Variants in DSCAML1 observed in about 807,000 individuals in gnomAD.
The protein encoded by DSCAML1 is DS cell adhesion molecule like 1.
In DSCAML1, 38 loss-of-function variants were observed where a neutral mutation model predicts 200.5. The observed-to-expected ratio is 0.19, with a 90% CI of 0.15 to 0.25. The LOEUF is 0.25. Ranked by LOEUF, DSCAML1 falls within the 10% of genes least tolerant of loss-of-function variation. The pLI is 1.00. For missense variants in DSCAML1, 2,223 were observed against 2,858.8 expected (o/e 0.78, Z 5.07); for synonymous variants, 1,215 against 1,165.0 (o/e 1.04, Z -0.87).
At chr11:117,537,407 T>A (rs906857683) in intron 3 of DSCAML1, among the ~76,000 whole-genome samples, 2 of 152,096 alleles carry the variant, frequency 1.3e-5, no homozygotes, top group African/African-American at 4.8e-5. Context: ...TGGAAGGTCT[T>A]GTGGAAGCTA....
intron 8 of DSCAML1, among the ~76,000 whole-genome samples, chr11:117,512,514 C>T (rs538441430): frequency 6.6e-6 from 1 of 152,250 alleles, no homozygotes; most frequent in African/African-American, 2.4e-5. Flanking sequence ...GTCCCAGAGC[C>T]CCTCACACCC....
intron 3 of DSCAML1, among the ~76,000 whole-genome samples, chr11:117,743,606 G>A (rs1482662310): frequency 6.6e-6 from 1 of 152,166 alleles, no homozygotes; most frequent in African/African-American, 2.4e-5. Flanking sequence ...TCCAGGCCCA[G>A]TTCCCCAGGG....
At chr11:117,649,108 C>T (rs994955544) in intron 3 of DSCAML1, among the ~76,000 whole-genome samples, 2 of 150,214 alleles carry the variant, frequency 1.3e-5, no homozygotes, top group Non-Finnish European at 3.0e-5. Context: ...CAGAATTTCG[C>T]TCTTGTCACC....
Position 117,634,370 on chromosome 11 carries a change from T to G in DSCAML1, c.512-101848A>C, listed in dbSNP as rs2052234737. 2.0e-5 allele frequency among the ~76,000 whole-genome samples: 3 copies of G among 152,206 alleles called. No homozygotes were observed. The South Asian group carries it at 6.2e-4, about 32-fold the overall frequency. ...TGTGTGACCTCTAGTCACAATGATA[T>G]ACCCTTTCCAGCCTCCGCTTCATAT... On this transcript the variant is annotated intron_variant, in intron 3 of 32. Transcript: ENST00000651296.
intron 3 of DSCAML1, among the ~76,000 whole-genome samples, chr11:117,637,890 C>A (rs901647473): frequency 1.3e-5 from 2 of 152,204 alleles, no homozygotes; most frequent in Non-Finnish European, 2.9e-5. Flanking sequence ...TGGGTAAACA[C>A]CGCTGGGTGC....
chr11:117,640,636 C>T (rs144122643), intron 3 of DSCAML1, among the ~76,000 whole-genome samples: 103 of 152,288 alleles, frequency 6.8e-4, no homozygotes, highest in Non-Finnish European at 1.4e-3. Flanking sequence ...TGCCTTTAAC[C>T]TCACGCCTTC....
At chr11:117,791,850 A>G (rs1298224553) in intron 1 of DSCAML1, among the ~76,000 whole-genome samples, 1 of 152,218 alleles carries the variant, frequency 6.6e-6, no homozygotes, top group Non-Finnish European at 1.5e-5. Flanking sequence ...ATGCAGAGGA[A>G]AAAGTAGAGG....
Position 117,503,859 on chromosome 11 carries a change from A to C in DSCAML1, c.2345T>G (p.Phe782Cys). ...ACAGGACTCACTCTTGACTGTGAGG[A>C]ACATGGACTTGCTGATGTCGGTGCC... ...GVGTDISKSM[F>C]LTVKIPAMIT... Residue 782 changes from phenylalanine (F) to cysteine (C), a missense_variant, in exon 11 of 33, where the codon TTC (phenylalanine) becomes TGC (cysteine). By Grantham distance (205) the Phe-to-Cys change is radical (BLOSUM62 -2). This residue lies in a region of DSCAML1 where 438 missense variants were observed against 629.7 expected (regional missense o/e 0.70). Coordinates refer to ENST00000651296, the MANE Select transcript of DSCAML1 (RefSeq NM_020693.4). This position sits in a 1 kb window ranked among gnomAD's most constrained non-coding sequence, Gnocchi z 5.2. 1.2e-6 allele frequency: 2 copies of C among 1,614,020 alleles called. No homozygotes were observed. The highest frequency in any genetic ancestry group is 1.7e-6 in the Non-Finnish European group (2 of 1,179,972).
intron 17 of DSCAML1, among the ~76,000 whole-genome samples, chr11:117,464,168 G>T (rs993152296): frequency 6.6e-6 from 1 of 152,154 alleles, no homozygotes; most frequent in African/African-American, 2.4e-5. Context: ...GGGGGCTTTG[G>T]CCTCAGACCC....
rs11216519 is a variant in DSCAML1 at position 117,726,755 on chromosome 11, T to C, written c.511+50036A>G. Reference sequence around the variant, plus strand: ...CCAAAGAGGGGCTCAGAGTGAGAGCTGGTGACCTGCTAAACCCCCAGCATG... The same window carrying C: ...CCAAAGAGGGGCTCAGAGTGAGAGCCGGTGACCTGCTAAACCCCCAGCATG... On this transcript the variant is annotated intron_variant, in intron 3 of 32. Coordinates refer to ENST00000651296, the MANE Select transcript of DSCAML1 (RefSeq NM_020693.4). 6.3e-3 allele frequency among the ~76,000 whole-genome samples: 955 copies of C among 152,244 alleles called. 5 individuals are homozygous for C. Among genetic ancestry groups the C allele is most frequent in the African/African-American group, 0.022 (899 of 41,540 alleles).
chr11:117,759,852 G>A (rs114042745), intron 3 of DSCAML1, among the ~76,000 whole-genome samples: 1,573 of 152,244 alleles, frequency 0.01, 25 homozygotes, highest in African/African-American at 0.035. Context: ...ACAGGATCCC[G>A]AGGCAGACAC....
intron 1 of DSCAML1, among the ~76,000 whole-genome samples, chr11:117,796,138 C>T (rs2055568807): frequency 6.6e-6 from 1 of 152,244 alleles, no homozygotes; most frequent in Admixed American, 6.5e-5. Context: ...TCGGAAATGT[C>T]TGCCCTCTTC....
At position 117,733,019 on chromosome 11, in the gene DSCAML1, CA is replaced by C. The variant is rs560851534; in HGVS notation, c.511+43771del. ...TAAAATGAAGCAATTATTTAGTCTG[CA>C]ATTAAAGACTGCAGTGATTTATTTT... On this transcript the variant is annotated intron_variant, in intron 3 of 32. Coordinates refer to ENST00000651296, the MANE Select transcript of DSCAML1 (RefSeq NM_020693.4). Among the ~76,000 whole-genome samples the C allele has an allele frequency of 4.1e-4, 63 of 152,128 alleles. 1 individual carries two copies. In the East Asian group the frequency reaches 0.012, roughly 28 times the overall value.
intron 3 of DSCAML1, among the ~76,000 whole-genome samples, chr11:117,628,281 C>T (rs1344281549): frequency 1.3e-5 from 2 of 152,126 alleles, no homozygotes; most frequent in South Asian, 2.1e-4. Flanking sequence ...CTTGCTCCCT[C>T]CAACACAACC....
intron 1 of DSCAML1, among the ~76,000 whole-genome samples, chr11:117,796,767 A>G (rs1393865459): frequency 1.3e-5 from 2 of 152,144 alleles, no homozygotes; most frequent in Non-Finnish European, 2.9e-5. Flanking sequence ...CCGTGCAGGG[A>G]GCAGGGAGAT....
intron 3 of DSCAML1, among the ~76,000 whole-genome samples, chr11:117,654,560 C>G (rs1162170146): frequency 2.0e-5 from 3 of 152,142 alleles, no homozygotes; most frequent in Non-Finnish European, 2.9e-5. Context: ...TGCAAGAAAC[C>G]AGGAGCCAGA....
chr11:117,782,642 C>T (rs1253603293), intron 1 of DSCAML1, among the ~76,000 whole-genome samples: 5 of 152,196 alleles, frequency 3.3e-5, no homozygotes, highest in East Asian at 1.9e-4. Flanking sequence ...AACCGAGGCT[C>T]GGGAGGTTTC....
intron 3 of DSCAML1, among the ~76,000 whole-genome samples, chr11:117,681,955 C>A (rs1298537830): frequency 6.6e-6 from 1 of 152,160 alleles, no homozygotes; most frequent in Non-Finnish European, 1.5e-5. Flanking sequence ...CGCTTGGGAA[C>A]CACAGTGAAC....
intron 3 of DSCAML1, among the ~76,000 whole-genome samples, chr11:117,601,308 T>C (rs992517839): frequency 1.3e-5 from 2 of 152,168 alleles, no homozygotes; most frequent in African/African-American, 4.8e-5. Flanking sequence ...CATGAATCCT[T>C]TGCGGGCCTA....
Sources: allele counts gnomAD v4.1 joint callset (sites outside exome capture counted in the v4.1 genomes callset), GRCh38; gene constraint gnomAD v4.1.1; regional missense constraint gnomAD v4.1.1; non-coding constraint Gnocchi (gnomAD v3.1); transcripts MANE v1.5; gene names NCBI Gene and HGNC (gene_info 2026-07-23, HGNC 2026-07-21).